Variants in P2RY2 observed in about 807,000 individuals in gnomAD.
P2RY2 encodes the protein P2Y purinoceptor 2.
For missense variants in P2RY2, 567 were observed against 515.7 expected (o/e 1.10, Z -0.96); for synonymous variants, 241 against 231.9 (o/e 1.04, Z -0.35).
chr11:73,238,226 G>T lies in P2RY2; in HGVS notation c.*2933G>T, dbSNP rs1273313468. On this transcript the variant is annotated 3_prime_UTR_variant, in exon 3 of 3. Coordinates refer to ENST00000393597, the MANE Select transcript of P2RY2 (RefSeq NM_002564.4). ...ACTGGGATGGAGCCATAGACCTGAG[G>T]CCAGGGACAGGACAGGGATGGGAGG... Among the ~76,000 whole-genome samples, 1 of 152,214 alleles carries T rather than the reference G, an allele frequency of 6.6e-6. No individual in the cohort carries two copies. The highest frequency in any genetic ancestry group is 1.5e-5 in the Non-Finnish European group (1 of 68,028).
Position 73,236,476 on chromosome 11 carries a change from A to C in P2RY2, c.*1183A>C. 2 of 869,498 alleles carry C rather than the reference A, an allele frequency of 2.3e-6. No individual in the cohort carries two copies. Among genetic ancestry groups the C allele is most frequent in the Non-Finnish European group, 2.8e-6 (2 of 723,180 alleles). The allele number at this position is 869,498 out of a possible 1,614,324, so 53.9% of individuals were successfully genotyped here. A position where few individuals can be genotyped will look rare whatever the true frequency, so the allele number is the denominator to read the frequency against. On this transcript the variant is annotated 3_prime_UTR_variant, in exon 3 of 3. Coordinates refer to ENST00000393597, the MANE Select transcript of P2RY2 (RefSeq NM_002564.4). ...CAGGGAAGGGTTCCTGGAGTGGGAG[A>C]CTCCTGAGCTGTAGCTTCTGAGAAA...
Position 73,235,669 on chromosome 11 carries a change from G to A in P2RY2, c.*376G>A. The A allele has an allele frequency of 9.8e-7, 1 of 1,020,452 alleles. No individual in the cohort carries two copies. The highest frequency in any genetic ancestry group is 1.2e-6 in the Non-Finnish European group (1 of 844,002). The allele number at this position is 1,020,452 out of a possible 1,614,324, so 63.2% of individuals were successfully genotyped here. On this transcript the variant is annotated 3_prime_UTR_variant, in exon 3 of 3. Transcript: ENST00000393597. ...CCCAGAGAGGAAGGTGGCTTACCAA[G>A]ATCACATACCAGAGTCTGGAGCTGA... is the stretch of plus-strand genomic sequence containing the variant.
intron 2 of P2RY2, among the ~76,000 whole-genome samples, chr11:73,228,384 G>A (rs773571368): frequency 2.6e-5 from 4 of 152,196 alleles, no homozygotes; most frequent in South Asian, 2.1e-4. Flanking sequence ...TCCAATGCCC[G>A]GCAGTGTGAC....
chr11:73,237,997 G>A lies in P2RY2; in HGVS notation c.*2704G>A, dbSNP rs1862694333. Among the ~76,000 whole-genome samples the A allele has an allele frequency of 6.6e-6, 1 of 152,226 alleles. No homozygotes were observed. The highest frequency in any genetic ancestry group is 1.5e-5 in the Non-Finnish European group (1 of 68,036). ...ACTTCCTGGGCTGTTGACTCATGAAGGCCACTGTGAAAGGGCACGTGAGTT... is the reference window on the plus strand; with the variant it reads ...ACTTCCTGGGCTGTTGACTCATGAAAGCCACTGTGAAAGGGCACGTGAGTT... On this transcript the variant is annotated 3_prime_UTR_variant, in exon 3 of 3. Transcript: ENST00000393597.
rs781743381 is a variant in P2RY2, at chr11:73,234,227, A to G, written c.68A>G (p.Tyr23Cys). The G allele has an allele frequency of 5.0e-6, 8 of 1,614,048 alleles. No individual in the cohort carries two copies. Among genetic ancestry groups the G allele is most frequent in the African/African-American group, 2.7e-5 (2 of 74,914 alleles). ...NGTWDGDELG[Y>C]RCRFNEDFKY... Reference sequence around the variant, plus strand: ...ACCTGGGATGGGGATGAGCTGGGCTACAGGTGCCGCTTCAACGAGGACTTC... The same window carrying G: ...ACCTGGGATGGGGATGAGCTGGGCTGCAGGTGCCGCTTCAACGAGGACTTC... The change falls in exon 3 of 3, where the codon TAC becomes TGC. Residue 23 changes from tyrosine to cysteine, a missense_variant. Coordinates refer to ENST00000393597, the MANE Select transcript of P2RY2 (RefSeq NM_002564.4).
rs1287192388 is a variant in P2RY2, at chr11:73,238,612, C to G, written c.*3319C>G. 2.0e-5 allele frequency among the ~76,000 whole-genome samples: 3 copies of G among 152,222 alleles called. No individual in the cohort carries two copies. The highest frequency in any genetic ancestry group is 4.4e-5 in the Non-Finnish European group (3 of 68,038). On this transcript the variant is annotated 3_prime_UTR_variant, in exon 3 of 3. Coordinates refer to ENST00000393597, the MANE Select transcript of P2RY2 (RefSeq NM_002564.4). ...TATTGACCCATGTCCCACGCACCCTCTCATCTATGTTATATGGTGGATGCT... is the reference window on the plus strand; with the variant it reads ...TATTGACCCATGTCCCACGCACCCTGTCATCTATGTTATATGGTGGATGCT...
chr11:73,227,371 C>T (rs1269208985), intron 1 of P2RY2, among the ~76,000 whole-genome samples: 4 of 151,550 alleles, frequency 2.6e-5, no homozygotes, highest in East Asian at 3.9e-4. Flanking sequence ...TGTGTGCATC[C>T]GTTTGCGTCC....
In P2RY2 at chr11:73,228,186, T is replaced by TGGGGGGGG. The variant is rs748007184; in HGVS notation, c.-5+16_-5+17insGGGGGGGG. The TGGGGGGGG allele has an allele frequency of 7.3e-5, 1 of 13,706 alleles. No individual in the cohort carries two copies. The highest frequency in any genetic ancestry group is 1.4e-4 in the Non-Finnish European group (1 of 7,342). 0.8% of individuals were successfully genotyped at this position (13,706 alleles called of 1,614,324 possible). On this transcript the variant is annotated intron_variant, in intron 2 of 2. Coordinates refer to ENST00000393597, the MANE Select transcript of P2RY2 (RefSeq NM_002564.4). ...GCAGGGGCTGGTCAGGTACGTGGGG[T>TGGGGGGGG]GGGGGTGGGGGGGAGCGGGTACGCT... is the stretch of plus-strand genomic sequence containing the variant.
At chr11:73,229,684 C>A (rs751519799) in intron 2 of P2RY2, among the ~76,000 whole-genome samples, 14 of 152,098 alleles carry the variant, frequency 9.2e-5, no homozygotes, top group Non-Finnish European at 1.9e-4. Flanking sequence ...GGGCAGCTCT[C>A]TTAATTCAAG....
rs1862631888 is a variant in P2RY2 at position 73,235,665 on chromosome 11, C to G, written c.*372C>G. 5 of 1,021,986 alleles carry G rather than the reference C, an allele frequency of 4.9e-6. No homozygotes were observed. The highest frequency in any genetic ancestry group is 1.7e-5 in the African/African-American group (1 of 57,938). The allele number at this position is 1,021,986 out of a possible 1,614,324, so 63.3% of individuals were successfully genotyped here. ...CAGGCCCAGAGAGGAAGGTGGCTTA[C>G]CAAGATCACATACCAGAGTCTGGAG... On this transcript the variant is annotated 3_prime_UTR_variant, in exon 3 of 3. Coordinates refer to ENST00000393597, the MANE Select transcript of P2RY2 (RefSeq NM_002564.4).
Position 73,234,203 on chromosome 11 carries a change from C to G in P2RY2, c.44C>G (p.Thr15Ser). Reference sequence around the variant, plus strand: ...CCCTGGAATGACACCATCAATGGCACCTGGGATGGGGATGAGCTGGGCTAC... The same window carrying G: ...CCCTGGAATGACACCATCAATGGCAGCTGGGATGGGGATGAGCTGGGCTAC... ...LGPWNDTING[T>S]WDGDELGYRC... The change falls in exon 3 of 3, where the codon ACC becomes AGC. Residue 15 changes from threonine (T) to serine (S), a missense_variant. Thr to Ser is a moderately conservative substitution (Grantham distance 58). Coordinates refer to ENST00000393597, the MANE Select transcript of P2RY2 (RefSeq NM_002564.4). The G allele has an allele frequency of 6.2e-7, 1 of 1,613,876 alleles. No homozygotes were observed. Among genetic ancestry groups the G allele is most frequent in the Non-Finnish European group, 8.5e-7 (1 of 1,179,874 alleles).
intron 1 of P2RY2, among the ~76,000 whole-genome samples, chr11:73,221,992 A>G (rs1862130887): frequency 6.6e-6 from 1 of 151,970 alleles, no homozygotes; most frequent in Non-Finnish European, 1.5e-5. Flanking sequence ...CCACCCCATC[A>G]CCCCATCTCC....
At chr11:73,226,918 A>G (rs983983815) in intron 1 of P2RY2, among the ~76,000 whole-genome samples, 2 of 152,178 alleles carry the variant, frequency 1.3e-5, no homozygotes, top group Non-Finnish European at 2.9e-5. Flanking sequence ...GGTTTGACAC[A>G]GGAGATTTCT....
At chr11:73,227,346 C>CTGTG (rs145168039) in intron 1 of P2RY2, among the ~76,000 whole-genome samples, 6 of 149,756 alleles carry the variant, frequency 4.0e-5, no homozygotes, top group East Asian at 1.9e-4. Flanking sequence ...ATGGTCTAGA[C>CTGTG]TGTGTGTGTG....
chr11:73,235,017 G>A lies in P2RY2; in HGVS notation c.858G>A (p.Met286Ile), dbSNP rs1156425324. The A allele has an allele frequency of 6.2e-7, 1 of 1,608,606 alleles. No individual in the cohort carries two copies. Among genetic ancestry groups the A allele is most frequent in the African/African-American group, 1.3e-5 (1 of 74,908 alleles). The stretch of plus-strand genomic sequence containing the variant: ...GCCACACCCTCAACGCCATCAACAT[G>A]GCCTACAAGGTTACCCGGCCGCTGG... ...LSCHTLNAIN[M>I]AYKVTRPLAS... is the part of the protein sequence containing the mutation. The change falls in exon 3 of 3, where the codon ATG (methionine) becomes ATA (isoleucine). Residue 286 changes from methionine (M) to isoleucine (I), a missense_variant. By Grantham distance (10) the Met-to-Ile change is conservative. Coordinates refer to ENST00000393597, the MANE Select transcript of P2RY2 (RefSeq NM_002564.4).
intron 1 of P2RY2, among the ~76,000 whole-genome samples, chr11:73,223,771 C>A (rs1054875907): frequency 2.6e-5 from 4 of 152,174 alleles, no homozygotes; most frequent in Non-Finnish European, 5.9e-5. Flanking sequence ...GTCTCTGTAG[C>A]CCTGTTCTGG....
chr11:73,225,252 C>G (rs758792366), intron 1 of P2RY2, among the ~76,000 whole-genome samples: 31 of 152,214 alleles, frequency 2.0e-4, no homozygotes, highest in Non-Finnish European at 4.1e-4. Flanking sequence ...GGGAGCTGCC[C>G]AGCTCCTCCT....
chr11:73,235,354 T>C lies in P2RY2; in HGVS notation c.*61T>C, dbSNP rs990449423. Reference sequence around the variant, plus strand: ...GGAAGCTGTAGAGGACCAGGACTTGTGCAGACGCCACAGTCTCCCCAGATA... The same window carrying C: ...GGAAGCTGTAGAGGACCAGGACTTGCGCAGACGCCACAGTCTCCCCAGATA... On this transcript the variant is annotated 3_prime_UTR_variant, in exon 3 of 3. Coordinates refer to ENST00000393597, the MANE Select transcript of P2RY2 (RefSeq NM_002564.4). 119 of 1,508,684 alleles carry C rather than the reference T, an allele frequency of 7.9e-5. No individual in the cohort carries two copies. The African/African-American group carries it at 1.4e-3, about 18-fold the overall frequency. 93.5% of individuals were successfully genotyped at this position (1,508,684 alleles called of 1,614,324 possible).
intron 2 of P2RY2, among the ~76,000 whole-genome samples, chr11:73,229,892 C>T (rs538565664): frequency 9.2e-4 from 140 of 152,136 alleles, no homozygotes; most frequent in Non-Finnish European, 1.5e-3. Flanking sequence ...GAGGAAGCCC[C>T]CTCCCTGTCC....
Sources: gnomAD v4.1 joint callset for allele counts (sites outside exome capture counted in the v4.1 genomes callset) on GRCh38, gnomAD v4.1.1 for gene constraint, MANE v1.5 for transcripts, NCBI Gene and HGNC (gene_info 2026-07-23, HGNC 2026-07-21) for gene names.